TOM1: variants seen among roughly 807,000 people sequenced by gnomAD.
TOM1 encodes the protein target of Myb protein 1.
In TOM1, 38 loss-of-function variants were observed where a neutral mutation model predicts 61.3. That is an observed-to-expected ratio of 0.62 (90% confidence interval 0.48 to 0.81). TOM1 has a LOEUF of 0.81. TOM1 is among the 40% of genes least tolerant of loss of function. The pLI, the probability that TOM1 is intolerant of heterozygous loss-of-function variation, is 0.00. For missense variants in TOM1, 591 were observed against 659.6 expected (o/e 0.90, Z 1.14); for synonymous variants, 270 against 268.8 (o/e 1.00, Z -0.04).
At chr22:35,339,541 G>A (rs966576516) in intron 12 of TOM1, among the ~76,000 whole-genome samples, 17 of 152,134 alleles carry the variant, frequency 1.1e-4, no homozygotes, top group Non-Finnish European at 2.4e-4. Flanking sequence ...GTTAGAGCCC[G>A]TTCAATAGTA....
intron 8 of TOM1, among the ~76,000 whole-genome samples, chr22:35,332,333 G>A (rs1045406790): frequency 1.3e-5 from 2 of 152,066 alleles, no homozygotes; most frequent in Admixed American, 6.6e-5. Flanking sequence ...TTTCAAGCTC[G>A]CAGTCACTTA....
intron 6 of TOM1, among the ~76,000 whole-genome samples, chr22:35,326,209 C>G (rs1208238216): frequency 6.6e-6 from 1 of 152,198 alleles, no homozygotes; most frequent in Non-Finnish European, 1.5e-5. Context: ...CTGAAATCAA[C>G]TATAACTCAG....
At chr22:35,316,385 A>G (rs144359449) in intron 1 of TOM1, among the ~76,000 whole-genome samples, 8 of 152,390 alleles carry the variant, frequency 5.2e-5, no homozygotes, top group Non-Finnish European at 1.2e-4. Context: ...GCGTGAAGAT[A>G]GCATCTAGGA....
chr22:35,335,409 C>T (rs899503010), intron 11 of TOM1, among the ~76,000 whole-genome samples: 2 of 152,300 alleles, frequency 1.3e-5, no homozygotes, highest in Non-Finnish European at 2.9e-5. Context: ...TGGCTGTTAG[C>T]TGTATCTTTC....
At chr22:35,346,760 A>G (rs1252579052) in intron 13 of TOM1, among the ~76,000 whole-genome samples, 170 bp from the exon 14 acceptor site, 1 of 152,160 alleles carries the variant, frequency 6.6e-6, no homozygotes, top group Non-Finnish European at 1.5e-5. Flanking sequence ...CCTACGGCTC[A>G]GGGAGGAGCC....
At chr22:35,333,569 G>A in intron 10 of TOM1, 72 bp downstream of exon 10, 2 of 1,425,628 alleles carry the variant, frequency 1.4e-6, no homozygotes, top group Non-Finnish European at 2.0e-6. Flanking sequence ...GATTTTCGGG[G>A]TGCCCTTGTT....
At chr22:35,337,244 A>C (rs1018437587) in intron 11 of TOM1, among the ~76,000 whole-genome samples, 1 of 152,048 alleles carries the variant, frequency 6.6e-6, no homozygotes, top group African/African-American at 2.4e-5. Context: ...AGTTGTTTTG[A>C]GTGAAGGGAA....
At chr22:35,320,619 C>G (rs1344133980) in intron 2 of TOM1, among the ~76,000 whole-genome samples, 1 of 152,150 alleles carries the variant, frequency 6.6e-6, no homozygotes, top group East Asian at 1.9e-4. Context: ...TCCCATCTTT[C>G]AAGGCCCAAC....
chr22:35,316,535 G>A (rs976994259), intron 1 of TOM1, among the ~76,000 whole-genome samples: 3 of 152,174 alleles, frequency 2.0e-5, no homozygotes, highest in Non-Finnish European at 4.4e-5. Flanking sequence ...TTCACAAAAG[G>A]CTGCCAAGCC....
intron 1 of TOM1, among the ~76,000 whole-genome samples, chr22:35,312,205 C>T (rs1201585423): frequency 2.6e-5 from 4 of 151,060 alleles, no homozygotes; most frequent in Admixed American, 6.6e-5. Context: ...GATCGCACCA[C>T]TGTACTCCAG....
chr22:35,332,839 C>T, intron 8 of TOM1, 142 bp from the exon 9 acceptor site: 1 of 836,976 alleles, frequency 1.2e-6, no homozygotes, highest in South Asian at 1.4e-5. Flanking sequence ...TGGATCTGTC[C>T]AGGGCACACC....
chr22:35,306,075 A>C (rs138760), intron 1 of TOM1, among the ~76,000 whole-genome samples: 98,528 of 152,078 alleles, frequency 0.65, 32,838 homozygotes, highest in East Asian at 0.79. Context: ...ATAAATAAAA[A>C]TATTTATGGG....
At chr22:35,340,357 G>A (rs189936777) in intron 12 of TOM1, among the ~76,000 whole-genome samples, 5 of 152,284 alleles carry the variant, frequency 3.3e-5, no homozygotes, top group Non-Finnish European at 4.4e-5. Context: ...GGCTAGGAGC[G>A]CTGCAGATTG....
At chr22:35,322,956 C>T in intron 3 of TOM1, 72 bp from the exon 4 acceptor site, 1 of 1,569,010 alleles carries the variant, frequency 6.4e-7, no homozygotes, top group Non-Finnish European at 8.6e-7. Flanking sequence ...CAGGAGGAGC[C>T]ACGAGGGTGG....
chr22:35,327,918 T>A (rs1268955247), intron 7 of TOM1, among the ~76,000 whole-genome samples: 1 of 151,904 alleles, frequency 6.6e-6, no homozygotes. Flanking sequence ...CCAGCCCAGA[T>A]TGGGGGTCAC....
chr22:35,302,358 T>G (rs138735), intron 1 of TOM1, among the ~76,000 whole-genome samples: 65,671 of 128,830 alleles, frequency 0.51, 19,257 homozygotes, highest in Non-Finnish European at 0.65. Flanking sequence ...TTTTTGAGAC[T>G]GCGTTTCGCT....
At position 35,323,176 on chromosome 22, in the gene TOM1, A is replaced by G; in HGVS notation, c.365A>G (p.Gln122Arg). The G allele has an allele frequency of 1.2e-6, 2 of 1,613,668 alleles. No individual in the cohort carries two copies. Among genetic ancestry groups the G allele is most frequent in the Non-Finnish European group, 1.7e-6 (2 of 1,180,016 alleles). The change falls in exon 4 of 15, where the codon CAG becomes CGG. Residue 122 changes from glutamine (Q) to arginine (R), a missense_variant and splice_region_variant. Gln to Arg is a conservative substitution (Grantham distance 43, BLOSUM62 1). Transcript: ENST00000449058. This position sits in a 1 kb window ranked among gnomAD's most constrained non-coding sequence, Gnocchi z 4.2. ...IVHDKVLNLI[Q>R]SWADAFRSSP... ...CATGACAAAGTGCTCAACCTCATCC[A>G]GGTGAGTGCCAGGACAGGGCAGGGC...
chr22:35,328,663 C>T (rs959864390), intron 7 of TOM1, among the ~76,000 whole-genome samples: 2 of 152,174 alleles, frequency 1.3e-5, no homozygotes, highest in Non-Finnish European at 2.9e-5. Flanking sequence ...GAAAGGCACC[C>T]GCCCTGTCCC....
intron 1 of TOM1, among the ~76,000 whole-genome samples, chr22:35,309,743 C>T (rs1204830498): frequency 1.3e-5 from 2 of 152,070 alleles, no homozygotes; most frequent in African/African-American, 4.8e-5. Context: ...TCAGTAGTGG[C>T]TTCTTCTGTA....
Sources: gnomAD v4.1 joint callset for allele counts (sites outside exome capture counted in the v4.1 genomes callset) on GRCh38, gnomAD v4.1.1 for gene constraint, Gnocchi (gnomAD v3.1) non-coding constraint, MANE v1.5 for transcripts, NCBI Gene and HGNC (gene_info 2026-07-23, HGNC 2026-07-21) for gene names.